Variants in GDAP1 observed in about 807,000 individuals in gnomAD.
GDAP1 encodes the protein ganglioside-induced differentiation-associated protein 1.
In GDAP1, 34 loss-of-function variants were observed where a neutral mutation model predicts 40.1. The observed-to-expected ratio is 0.85, with a 90% CI of 0.64 to 1.13. The LOEUF is 1.13. GDAP1 is among the 50% of genes most tolerant of loss of function. The pLI is 0.00. For missense variants in GDAP1, 374 were observed against 433.7 expected, an observed-to-expected ratio of 0.86 and a Z score of 1.22; for synonymous variants, 170 against 157.4, an observed-to-expected ratio of 1.08 and a Z score of -0.60.
At chr8:74,369,617 T>TTGTGTG (rs750701676), downstream of GDAP1, among the ~76,000 whole-genome samples, 1 of 118,430 alleles carries the variant, frequency 8.4e-6, no homozygotes, top group African/African-American at 3.1e-5. Flanking sequence ...GGGCAGGAAA[T>TTGTGTG]TGTGTGTGTG....
chr8:74,372,248 T>C (rs1033348106), intron 2 of GDAP1, among the ~76,000 whole-genome samples: 7 of 152,220 alleles, frequency 4.6e-5, no homozygotes, highest in African/African-American at 1.7e-4. Context: ...TGTGTCTTTA[T>C]AGCAGCATGA....
intron 2 of GDAP1, among the ~76,000 whole-genome samples, chr8:74,445,347 G>T (rs533921348): frequency 6.6e-6 from 1 of 152,218 alleles, no homozygotes; most frequent in African/African-American, 2.4e-5. Flanking sequence ...ATTTAGATAA[G>T]GTTGTTTGCT....
At chr8:74,392,287 A>G (rs1810122526) in intron 2 of GDAP1, among the ~76,000 whole-genome samples, 1 of 152,250 alleles carries the variant, frequency 6.6e-6, no homozygotes, top group African/African-American at 2.4e-5. Flanking sequence ...AGTTTTATCA[A>G]TGTGATATTT....
At chr8:74,445,129 A>G (rs1253709991) in intron 2 of GDAP1, among the ~76,000 whole-genome samples, 1 of 152,192 alleles carries the variant, frequency 6.6e-6, no homozygotes, top group Non-Finnish European at 1.5e-5. Context: ...TCATAGAATC[A>G]TGGAGTTGGA....
intron 2 of GDAP1, among the ~76,000 whole-genome samples, chr8:74,377,042 G>A (rs569878393): frequency 7.2e-4 from 109 of 152,056 alleles, no homozygotes; most frequent in Non-Finnish European, 1.1e-3. Context: ...ATATTAAATT[G>A]TACAGAAAAT....
intron 2 of GDAP1, among the ~76,000 whole-genome samples, chr8:74,448,339 A>T (rs1328175301): frequency 6.6e-6 from 1 of 151,978 alleles, no homozygotes; most frequent in African/African-American, 2.4e-5. Context: ...ATTCCTTTTT[A>T]TTGCTGAAGA....
At position 74,456,110 on chromosome 8, in the gene GDAP1, C is replaced by T. The variant is rs117062569; in HGVS notation, c.166-32568C>T. On this transcript the variant is annotated intron_variant, in intron 2 of 2. Coordinates refer to the GDAP1 transcript ENST00000523640. ...CTCTCATTAGTATTTAACTATACCT[C>T]AGTGACAATTTTTTGTTCATGCTCA... 9.9e-4 allele frequency among the ~76,000 whole-genome samples: 151 copies of T among 151,998 alleles called. 2 individuals carry two copies. In the East Asian group the frequency reaches 0.017, roughly 17 times the overall value.
intron 2 of GDAP1, among the ~76,000 whole-genome samples, chr8:74,425,960 C>T (rs1420760839): frequency 6.6e-6 from 1 of 152,120 alleles, no homozygotes; most frequent in Non-Finnish European, 1.5e-5. Context: ...GATTTGCATC[C>T]TGCACTGTTC....
At chr8:74,425,847 ATCC>A (rs1484026562) in intron 2 of GDAP1, among the ~76,000 whole-genome samples, 3 of 152,116 alleles carry the variant, frequency 2.0e-5, no homozygotes, top group African/African-American at 7.2e-5. Context: ...TGGTATATAT[ATCC>A]TCCTTTTATT....
chr8:74,413,056 A>T (rs1201752973), intron 2 of GDAP1, among the ~76,000 whole-genome samples: 1 of 75,078 alleles, frequency 1.3e-5, no homozygotes, highest in Admixed American at 2.3e-4. Context: ...ATAAAGCGAG[A>T]CTCTGTCTCA....
chr8:74,400,519 G>A (rs1810307324), intron 2 of GDAP1, among the ~76,000 whole-genome samples: 1 of 149,964 alleles, frequency 6.7e-6, no homozygotes, highest in South Asian at 2.1e-4. Context: ...TTGCCAGTCT[G>A]TGTCTTTTAA....
At chr8:74,477,320 T>C (rs1316507238) in intron 2 of GDAP1, among the ~76,000 whole-genome samples, 2 of 152,216 alleles carry the variant, frequency 1.3e-5, no homozygotes, top group Non-Finnish European at 2.9e-5. Context: ...CCTGGTTAAG[T>C]ACCTTTGCTG....
intron 2 of GDAP1, among the ~76,000 whole-genome samples, chr8:74,475,813 T>G (rs1806621951): frequency 6.6e-6 from 1 of 152,300 alleles, no homozygotes; most frequent in Admixed American, 6.5e-5. Flanking sequence ...GGTCCAGTGT[T>G]AAGTTCAGGT....
intron 2 of GDAP1, among the ~76,000 whole-genome samples, chr8:74,469,020 A>G (rs183742982): frequency 6.6e-6 from 1 of 152,292 alleles, no homozygotes; most frequent in East Asian, 1.9e-4. Flanking sequence ...AGATGATTAT[A>G]TGATTTTTTT....
intron 2 of GDAP1, among the ~76,000 whole-genome samples, chr8:74,402,001 G>T (rs559403473): frequency 6.7e-6 from 1 of 150,190 alleles, no homozygotes; most frequent in Non-Finnish European, 1.5e-5. Flanking sequence ...AGGGGTCAGG[G>T]GTCAGGGACC....
At chr8:74,394,246 G>A (rs1162029752) in intron 2 of GDAP1, among the ~76,000 whole-genome samples, 1 of 152,140 alleles carries the variant, frequency 6.6e-6, no homozygotes, top group East Asian at 1.9e-4. Flanking sequence ...ACTATCATGA[G>A]AACAGTAGGA....
At chr8:74,444,344 CTT>C (rs1806204205) in intron 2 of GDAP1, among the ~76,000 whole-genome samples, 1 of 151,938 alleles carries the variant, frequency 6.6e-6, no homozygotes, top group Non-Finnish European at 1.5e-5. Context: ...ATATTTCAGT[CTT>C]TGCATAAAAT....
At chr8:74,405,297 T>G (rs1474324550) in intron 2 of GDAP1, among the ~76,000 whole-genome samples, 2 of 150,084 alleles carry the variant, frequency 1.3e-5, no homozygotes, top group Non-Finnish European at 1.5e-5. Flanking sequence ...CCTTGACACG[T>G]GAGGATTGTT....
intron 2 of GDAP1, among the ~76,000 whole-genome samples, chr8:74,393,369 G>GTTGTCTC (rs1301347655): frequency 6.6e-6 from 1 of 152,132 alleles, no homozygotes; most frequent in African/African-American, 2.4e-5. Flanking sequence ...TTTGCTGGGT[G>GTTGTCTC]AGCTCAGTAA....
Sources: gnomAD v4.1 joint callset for allele counts (sites outside exome capture counted in the v4.1 genomes callset) on GRCh38, gnomAD v4.1.1 for gene constraint, MANE v1.5 for transcripts, NCBI Gene and HGNC (gene_info 2026-07-23, HGNC 2026-07-21) for gene names.